Variants in STK17A observed in about 807,000 individuals in gnomAD.
STK17A encodes serine/threonine-protein kinase 17A.
In STK17A, 26 loss-of-function variants were observed where a neutral mutation model predicts 43.7. The observed-to-expected ratio is 0.60, with a 90% CI of 0.44 to 0.83. The LOEUF (loss-of-function observed/expected upper bound fraction) is 0.83, where lower values mean the gene tolerates loss of function less well. Ranked by LOEUF, STK17A falls within the 40% of genes least tolerant of loss-of-function variation. The pLI is 0.00. For missense variants in STK17A, 476 were observed against 511.6 expected (o/e 0.93, Z 0.67); for synonymous variants, 191 against 182.5 (o/e 1.05, Z -0.38).
At chr7:43,619,430 G>C (rs2083646769) in intron 3 of STK17A, among the ~76,000 whole-genome samples, 167 bp from the exon 4 acceptor site, 1 of 152,204 alleles carries the variant, frequency 6.6e-6, no homozygotes, top group African/African-American at 2.4e-5. Context: ...CAGGCCTGCT[G>C]CCTTATACAT....
chr7:43,600,526 A>T (rs979116145), intron 2 of STK17A, among the ~76,000 whole-genome samples: 1 of 152,232 alleles, frequency 6.6e-6, no homozygotes, highest in African/African-American at 2.4e-5. Flanking sequence ...GACATACATG[A>T]ATGTAAATTG....
chr7:43,601,107 T>C (rs1334473049), intron 2 of STK17A, among the ~76,000 whole-genome samples: 1 of 152,212 alleles, frequency 6.6e-6, no homozygotes. Flanking sequence ...ATTTAAAATA[T>C]TAAGTTTAAA....
intron 1 of STK17A, among the ~76,000 whole-genome samples, chr7:43,586,885 T>TTTA (rs2082443743): frequency 6.6e-6 from 1 of 151,500 alleles, no homozygotes; most frequent in Non-Finnish European, 1.5e-5. Flanking sequence ...TACTTTATAA[T>TTTA]GTGCAGGCCT....
chr7:43,624,411 C>G (rs1646764337), intron 6 of STK17A, 107 bp from the exon 7 acceptor site: 1 of 1,153,178 alleles, frequency 8.7e-7, no homozygotes, highest in Non-Finnish European at 1.2e-6. Flanking sequence ...AGATTTTTGC[C>G]AACTTGTCAG....
At chr7:43,624,451 G>C in intron 6 of STK17A, 67 bp from the exon 7 acceptor site, 3 of 1,455,268 alleles carry the variant, frequency 2.1e-6, no homozygotes, top group Non-Finnish European at 2.8e-6. Flanking sequence ...AATAAATACA[G>C]TACCTTATGC....
At chr7:43,613,477 T>G (rs10254926) in intron 3 of STK17A, among the ~76,000 whole-genome samples, 1 of 151,926 alleles carries the variant, frequency 6.6e-6, no homozygotes, top group Non-Finnish European at 1.5e-5. Context: ...CAATCCCCAC[T>G]GATACCATGG....
chr7:43,597,396 T>A (rs2082524357), intron 2 of STK17A, among the ~76,000 whole-genome samples: 2 of 152,002 alleles, frequency 1.3e-5, no homozygotes, highest in Admixed American at 6.6e-5. Context: ...TGTTATTATT[T>A]TTTTTTTTTG....
chr7:43,619,472 A>T, intron 3 of STK17A, 125 bp from the exon 4 acceptor site: 1 of 1,232,054 alleles, frequency 8.1e-7, no homozygotes, highest in Non-Finnish European at 1.1e-6. Context: ...TTTCTTTAAC[A>T]AATGACTGTT....
chr7:43,584,471 T>A, intron 1 of STK17A, among the ~76,000 whole-genome samples: 1 of 152,238 alleles, frequency 6.6e-6, no homozygotes, highest in Non-Finnish European at 1.5e-5. Flanking sequence ...GCTTGCCACA[T>A]GGCGTTCAGT....
At chr7:43,608,168 G>C (rs2082628952) in intron 2 of STK17A, 88 bp from the exon 3 acceptor site, 5 of 1,297,070 alleles carry the variant, frequency 3.9e-6, no homozygotes, top group Non-Finnish European at 5.3e-6. Context: ...GTTACTGCCA[G>C]ACTGTAATTA....
At chr7:43,613,662 G>GTGA (rs1356366333) in intron 3 of STK17A, among the ~76,000 whole-genome samples, 2 of 152,010 alleles carry the variant, frequency 1.3e-5, no homozygotes, top group Non-Finnish European at 2.9e-5. Flanking sequence ...AGGCAACATA[G>GTGA]TGAGACCTCA....
intron 4 of STK17A, among the ~76,000 whole-genome samples, chr7:43,621,634 G>A (rs1287450881): frequency 6.6e-6 from 1 of 151,988 alleles, no homozygotes; most frequent in East Asian, 1.9e-4. Flanking sequence ...CAGCGGGCCA[G>A]TTTTTTGTTT....
intron 2 of STK17A, among the ~76,000 whole-genome samples, chr7:43,604,321 C>T (rs183977120): frequency 6.6e-6 from 1 of 152,274 alleles, no homozygotes; most frequent in Non-Finnish European, 1.5e-5. Flanking sequence ...TGCTCCTTTA[C>T]TCTGCCTGGG....
At chr7:43,588,262 T>C (rs2082456322) in intron 1 of STK17A, among the ~76,000 whole-genome samples, 1 of 151,554 alleles carries the variant, frequency 6.6e-6, no homozygotes, top group Admixed American at 6.6e-5. Context: ...CTACACACTT[T>C]AAAGATGTAA....
chr7:43,596,307 A>G (rs1487005844), intron 2 of STK17A, among the ~76,000 whole-genome samples, 194 bp downstream of exon 2: 3 of 152,036 alleles, frequency 2.0e-5, no homozygotes, highest in African/African-American at 7.3e-5. Context: ...TAGCTTTTTT[A>G]TTTTCATTCT....
rs561151658 is a variant in STK17A at position 43,598,919 on chromosome 7, C to T, written c.419+2806C>T. 1.5e-4 allele frequency among the ~76,000 whole-genome samples: 23 copies of T among 152,064 alleles called. No individual in the cohort carries two copies. In the South Asian group the frequency reaches 3.1e-3, roughly 21 times the overall value. ...CTGGGATTACAGGTGCACACCACCA[C>T]GCCTGGCTAATTTTTTTGTAATTTT... On this transcript the variant is annotated intron_variant, in intron 2 of 6. Coordinates refer to ENST00000319357, the MANE Select transcript of STK17A (RefSeq NM_004760.3).
At chr7:43,598,362 C>T (rs2082533971) in intron 2 of STK17A, among the ~76,000 whole-genome samples, 1 of 151,132 alleles carries the variant, frequency 6.6e-6, no homozygotes, top group Non-Finnish European at 1.5e-5. Flanking sequence ...CCCAGCTACT[C>T]AGGAGGCTGA....
chr7:43,586,103 CTAAT>C (rs1197898620), intron 1 of STK17A, among the ~76,000 whole-genome samples: 1 of 151,516 alleles, frequency 6.6e-6, no homozygotes, highest in Non-Finnish European at 1.5e-5. Flanking sequence ...TCTGATATAA[CTAAT>C]TAATCTCACG....
intron 2 of STK17A, among the ~76,000 whole-genome samples, chr7:43,607,434 G>A (rs997409282): frequency 1.3e-5 from 2 of 151,696 alleles, no homozygotes; most frequent in Non-Finnish European, 2.9e-5. Flanking sequence ...GGCTCACGAG[G>A]TCAAGGAGAT....
Sources: gnomAD v4.1 joint callset for allele counts (sites outside exome capture counted in the v4.1 genomes callset) on GRCh38, gnomAD v4.1.1 for gene constraint, MANE v1.5 for transcripts, NCBI Gene and HGNC (gene_info 2026-07-23, HGNC 2026-07-21) for gene names.